Variants in KHDRBS2 observed in about 807,000 individuals in gnomAD.
The protein encoded by KHDRBS2 is KH domain-containing, RNA-binding, signal transduction-associated protein 2.
A neutral mutation model predicts 44.3 loss-of-function variants in KHDRBS2; 26 were observed. That is an observed-to-expected ratio of 0.59 (90% CI 0.43 to 0.81). The LOEUF (loss-of-function observed/expected upper bound fraction) is 0.81. Among genes scored for constraint, KHDRBS2 ranks in the 40% least tolerant of loss-of-function variants. The pLI is 0.00. For missense variants in KHDRBS2, 476 were observed against 433.1 expected (o/e 1.10, Z -0.88); for synonymous variants, 194 against 151.1 (o/e 1.28, Z -2.08).
At chr6:61,767,535 C>T (rs528087722) in intron 6 of KHDRBS2, among the ~76,000 whole-genome samples, 1 of 151,988 alleles carries the variant, frequency 6.6e-6, no homozygotes, top group East Asian at 1.9e-4. Flanking sequence ...TCCTCCCTCC[C>T]TTTCACCCAC....
chr6:61,954,699 T>TGC (rs1306538040), intron 4 of KHDRBS2, among the ~76,000 whole-genome samples: 4,831 of 95,014 alleles, frequency 0.051, 992 homozygotes, highest in East Asian at 0.084. Flanking sequence ...TATACATACA[T>TGC]ATGTGTATAT....
chr6:61,590,020 G>T, the KHDRBS2 span, among the ~76,000 whole-genome samples: 2 of 152,076 alleles, frequency 1.3e-5, no homozygotes, highest in Admixed American at 6.6e-5. Flanking sequence ...TAAGTGTTAT[G>T]TATCCAAGAG....
intron 1 of KHDRBS2, among the ~76,000 whole-genome samples, chr6:62,226,647 T>C (rs957052443): frequency 1.3e-5 from 2 of 151,962 alleles, no homozygotes; most frequent in Non-Finnish European, 2.9e-5. Flanking sequence ...AGTTTTCTTC[T>C]AGGTTTTCGA....
chr6:61,613,716 C>T, the KHDRBS2 span, among the ~76,000 whole-genome samples: 1 of 152,134 alleles, frequency 6.6e-6, no homozygotes. Flanking sequence ...CTGAATAATG[C>T]AAATTTGTGT....
At chr6:62,250,219 T>G (rs569762387) in intron 1 of KHDRBS2, among the ~76,000 whole-genome samples, 1 of 152,118 alleles carries the variant, frequency 6.6e-6, no homozygotes, top group Non-Finnish European at 1.5e-5. Flanking sequence ...AATGAAATAC[T>G]GTAATTATAA....
intron 2 of KHDRBS2, among the ~76,000 whole-genome samples, chr6:62,060,294 G>C (rs988820197): frequency 6.6e-6 from 1 of 151,710 alleles, no homozygotes; most frequent in African/African-American, 2.4e-5. Context: ...ATGGGCTGGG[G>C]GTGAGTGGGA....
Position 62,177,217 on chromosome 6 carries a change from T to C in KHDRBS2, c.187A>G (p.Arg63Gly). ...ISNKNIKLSE[R>G]VLIPVKQYPK... Reference sequence around the variant, plus strand: ...TACTGCTTGACAGGAATCAGTACTCTTTCTGAGAGCTTTATGTTTTTGTTG... The same window carrying C: ...TACTGCTTGACAGGAATCAGTACTCCTTCTGAGAGCTTTATGTTTTTGTTG... Residue 63 changes from arginine to glycine, a missense_variant, in exon 2 of 9, where the codon AGA becomes GGA. By Grantham distance (125) the Arg-to-Gly change is moderately radical. Transcript: ENST00000281156. 1 of 1,592,764 alleles carries C rather than the reference T, an allele frequency of 6.3e-7. No homozygotes were observed. Among genetic ancestry groups the C allele is most frequent in the South Asian group, 1.1e-5 (1 of 90,342 alleles).
the KHDRBS2 span, among the ~76,000 whole-genome samples, chr6:61,673,737 A>C: frequency 1.4e-5 from 2 of 141,178 alleles, no homozygotes; most frequent in African/African-American, 5.3e-5. Context: ...GGACCTCTTC[A>C]AGGAGAACTA....
At position 62,042,512 on chromosome 6, in the gene KHDRBS2, A is replaced by C. The variant is rs1786749341; in HGVS notation, c.336+5366T>G. On this transcript the variant is annotated intron_variant, in intron 3 of 8. Transcript: ENST00000281156. ...GTGTTCAAGATATTAAAGAGTTGAA[A>C]CAGGAGTCTATGTAACCAGTCACAG... Among the ~76,000 whole-genome samples, 3 of 152,184 alleles carry C rather than the reference A, an allele frequency of 2.0e-5. No homozygotes were observed. The South Asian group carries it at 6.2e-4, about 32-fold the overall frequency.
chr6:61,881,513 A>G (rs2127317711), intron 6 of KHDRBS2, among the ~76,000 whole-genome samples: 1 of 152,066 alleles, frequency 6.6e-6, no homozygotes, highest in South Asian at 2.1e-4. Context: ...AAGACCAAGG[A>G]AGAGACAGTG....
chr6:61,736,240 A>ACAC (rs1562061661), intron 6 of KHDRBS2, among the ~76,000 whole-genome samples: 1 of 150,810 alleles, frequency 6.6e-6, no homozygotes, highest in African/African-American at 2.4e-5. Flanking sequence ...ACACACACAC[A>ACAC]CACACACTAA....
At chr6:61,648,334 G>GAAT in the KHDRBS2 span, among the ~76,000 whole-genome samples, 1 of 151,926 alleles carries the variant, frequency 6.6e-6, no homozygotes, top group African/African-American at 2.4e-5. Context: ...GATAAGGCTA[G>GAAT]AATCTAACTT....
intron 3 of KHDRBS2, among the ~76,000 whole-genome samples, chr6:62,034,516 T>A (rs1167574959): frequency 6.6e-6 from 1 of 151,776 alleles, no homozygotes; most frequent in Non-Finnish European, 1.5e-5. Flanking sequence ...ACATGATACA[T>A]CAGTTCAACA....
intron 1 of KHDRBS2, among the ~76,000 whole-genome samples, chr6:62,202,555 A>C (rs541947810): frequency 2.4e-4 from 36 of 152,216 alleles, no homozygotes; most frequent in African/African-American, 8.7e-4. Context: ...ACATCAGTGA[A>C]TAAAATAGAA....
chr6:62,078,749 ACATTT>A (rs1210890620), intron 2 of KHDRBS2, among the ~76,000 whole-genome samples: 1 of 152,016 alleles, frequency 6.6e-6, no homozygotes, highest in Non-Finnish European at 1.5e-5. Context: ...CACAGAAAGT[ACATTT>A]AATGTACTTT....
chr6:61,649,496 A>G, the KHDRBS2 span, among the ~76,000 whole-genome samples: 97 of 152,170 alleles, frequency 6.4e-4, no homozygotes, highest in Non-Finnish European at 2.9e-5. Context: ...GCTCATTTAT[A>G]TAACAGCTTC....
At position 61,954,836 on chromosome 6, in the gene KHDRBS2, GTA is replaced by G. The variant is rs747224866; in HGVS notation, c.483+23228_483+23229del. 5.3e-3 allele frequency among the ~76,000 whole-genome samples: 160 copies of G among 30,078 alleles called. 40 individuals carry two copies. The highest frequency in any genetic ancestry group is 0.017 in the South Asian group (16 of 920). 19.7% of individuals were successfully genotyped at this position (30,078 alleles called of 152,430 possible). On this transcript the variant is annotated intron_variant, in intron 4 of 8. Transcript: ENST00000281156. ...CGCATGTGTATATACACATGCATAT[GTA>G]TGTATACATATGCATGTGTATATAC...
At chr6:62,072,108 G>A (rs1452608139) in intron 2 of KHDRBS2, among the ~76,000 whole-genome samples, 2 of 152,116 alleles carry the variant, frequency 1.3e-5, no homozygotes, top group Non-Finnish European at 2.9e-5. Context: ...AAGCAATTGT[G>A]AATGGGAGTT....
At position 61,894,979 on chromosome 6, in the gene KHDRBS2, A is replaced by G. The variant is rs1224343947; in HGVS notation, c.612-146T>C. 2.3e-4 allele frequency: 137 copies of G among 591,952 alleles called. 1 individual carries two copies. The East Asian group carries it at 3.8e-3, about 16-fold the overall frequency. 36.7% of individuals were successfully genotyped at this position (591,952 alleles called of 1,614,324 possible). A position where few individuals can be genotyped will look rare whatever the true frequency, so the allele number is the denominator to read the frequency against. On this transcript the variant is annotated intron_variant, in intron 5 of 8. Transcript: ENST00000281156. ...TCTCTGTGTGTGTGTGTGTGTATGC[A>G]TTTAATAGAAATTATATAAGATATA...
Sources: allele counts gnomAD v4.1 joint callset (sites outside exome capture counted in the v4.1 genomes callset), GRCh38; gene constraint gnomAD v4.1.1; transcripts MANE v1.5; gene names NCBI Gene and HGNC (gene_info 2026-07-23, HGNC 2026-07-21).